Variants in TENM2 observed in about 807,000 individuals in gnomAD.
TENM2 encodes teneurin-2.
TENM2 carries 52 observed loss-of-function variants against 245.2 expected under a neutral mutation model. That is an observed-to-expected ratio of 0.21 (90% CI 0.17 to 0.27). The LOEUF (loss-of-function observed/expected upper bound fraction) is 0.27. TENM2 is among the 10% of genes least tolerant of loss of function. The pLI, the probability that TENM2 is intolerant of heterozygous loss-of-function variation, is 1.00. For synonymous variants in TENM2, 1,363 were observed against 1,438.9 expected, an observed-to-expected ratio of 0.95 and a Z score of 1.19; for missense variants, 3,046 against 3,666.8, an observed-to-expected ratio of 0.83 and a Z score of 4.37.
intron 3 of TENM2, among the ~76,000 whole-genome samples, chr5:167,941,657 G>A (rs1327578368): frequency 1.3e-5 from 2 of 149,244 alleles, no homozygotes; most frequent in East Asian, 3.9e-4. Context: ...GACCAGCCCG[G>A]GCAACATAGC....
At chr5:167,177,930 A>G in the TENM2 span, among the ~76,000 whole-genome samples, 2 of 152,212 alleles carry the variant, frequency 1.3e-5, no homozygotes, top group Non-Finnish European at 2.9e-5. Flanking sequence ...CAAAGCCTCA[A>G]AGTCTCAGGC....
chr5:167,581,850 T>C (rs542262905), intron 2 of TENM2, among the ~76,000 whole-genome samples: 1 of 152,158 alleles, frequency 6.6e-6, no homozygotes, highest in South Asian at 2.1e-4. Flanking sequence ...TGATCTAATC[T>C]GAAATTAGAT....
chr5:167,897,685 T>C (rs1308778484), intron 3 of TENM2, among the ~76,000 whole-genome samples: 1 of 152,204 alleles, frequency 6.6e-6, no homozygotes, highest in African/African-American at 2.4e-5. Flanking sequence ...CATAGTCTCA[T>C]TGGCACCCAC....
chr5:167,676,164 T>A (rs1756310477), intron 2 of TENM2, among the ~76,000 whole-genome samples: 1 of 152,132 alleles, frequency 6.6e-6, no homozygotes. Flanking sequence ...GTCATTGTTT[T>A]AGAGGCAGGT....
chr5:167,251,158 A>T, the TENM2 span, among the ~76,000 whole-genome samples: 1 of 152,106 alleles, frequency 6.6e-6, no homozygotes, highest in Non-Finnish European at 1.5e-5. Flanking sequence ...AGGAAAGAAA[A>T]GGAACGTGTT....
chr5:168,082,470 C>T (rs768454821), intron 7 of TENM2, among the ~76,000 whole-genome samples: 26 of 152,178 alleles, frequency 1.7e-4, no homozygotes, highest in Non-Finnish European at 2.6e-4. Flanking sequence ...AGCTTTGTTG[C>T]GTTGCTGGCA....
the TENM2 span, among the ~76,000 whole-genome samples, chr5:167,201,325 A>T: frequency 3.2e-4 from 49 of 152,322 alleles, no homozygotes; most frequent in East Asian, 8.5e-3. Flanking sequence ...TTGCCTTTTA[A>T]AGAAGTAATG....
At chr5:167,210,451 A>ATTTTTTTT in the TENM2 span, among the ~76,000 whole-genome samples, 1 of 101,248 alleles carries the variant, frequency 9.9e-6, no homozygotes, top group Admixed American at 1.1e-4. Context: ...TTTTCACTGC[A>ATTTTTTTT]TTTTTTTTTT....
chr5:168,153,600 T>C (rs991843698), intron 12 of TENM2, among the ~76,000 whole-genome samples: 4 of 152,136 alleles, frequency 2.6e-5, no homozygotes, highest in African/African-American at 9.7e-5. Flanking sequence ...AAATGTGACA[T>C]GAGAAGAGAG....
intron 2 of TENM2, among the ~76,000 whole-genome samples, chr5:167,435,996 G>A (rs1194874239): frequency 3.4e-5 from 1 of 29,012 alleles, no homozygotes; most frequent in African/African-American, 1.3e-4. Context: ...TTTTTTTTTT[G>A]AGACAGAGTT....
At chr5:167,900,562 T>C (rs1218099695) in intron 3 of TENM2, among the ~76,000 whole-genome samples, 1 of 152,134 alleles carries the variant, frequency 6.6e-6, no homozygotes, top group East Asian at 1.9e-4. Flanking sequence ...TTCTCATGTT[T>C]GGAAGTGAAA....
chr5:167,542,773 C>T (rs184996251), intron 2 of TENM2, among the ~76,000 whole-genome samples: 13 of 152,056 alleles, frequency 8.5e-5, no homozygotes, highest in East Asian at 5.8e-4. Context: ...ACTAGAAATT[C>T]GGAAGATTTT....
intron 23 of TENM2, among the ~76,000 whole-genome samples, chr5:168,221,685 C>T (rs575194082): frequency 2.8e-4 from 43 of 152,278 alleles, no homozygotes; most frequent in African/African-American, 9.1e-4. Flanking sequence ...GACATCCAAC[C>T]GTGGAATTAA....
At chr5:167,751,719 CA>C (rs1761968769) in intron 2 of TENM2, among the ~76,000 whole-genome samples, 1 of 151,632 alleles carries the variant, frequency 6.6e-6, no homozygotes, top group South Asian at 2.1e-4. Context: ...GTAGCTTTCC[CA>C]CTGTTTTGGT....
At chr5:168,155,820 G>T (rs1017564373) in intron 12 of TENM2, among the ~76,000 whole-genome samples, 4 of 143,554 alleles carry the variant, frequency 2.8e-5, no homozygotes, top group Non-Finnish European at 4.5e-5. Context: ...ACTATCTACT[G>T]AGCACTTACA....
intron 2 of TENM2, among the ~76,000 whole-genome samples, chr5:167,713,162 C>T (rs1318289076): frequency 6.6e-6 from 1 of 151,898 alleles, no homozygotes; most frequent in Admixed American, 6.6e-5. Flanking sequence ...TGCGCCAGTT[C>T]ATAATCTATG....
intron 2 of TENM2, among the ~76,000 whole-genome samples, chr5:167,576,650 A>G (rs1774710410): frequency 6.6e-6 from 1 of 152,234 alleles, no homozygotes; most frequent in Non-Finnish European, 1.5e-5. Context: ...ACATGCAAAT[A>G]TGATGTCAGA....
intron 27 of TENM2, among the ~76,000 whole-genome samples, chr5:168,257,773 G>A (rs1021955696): frequency 3.3e-5 from 5 of 152,058 alleles, no homozygotes; most frequent in African/African-American, 7.2e-5. Context: ...CCGCCACCAC[G>A]CCCAGCTAAT....
At chr5:167,196,819 G>A in the TENM2 span, among the ~76,000 whole-genome samples, 3 of 151,706 alleles carry the variant, frequency 2.0e-5, no homozygotes, top group African/African-American at 4.8e-5. Context: ...TAGAGGATGC[G>A]TGTAGGTTAC....
Sources: allele counts gnomAD v4.1 joint callset (sites outside exome capture counted in the v4.1 genomes callset), GRCh38; gene constraint gnomAD v4.1.1; transcripts MANE v1.5; gene names NCBI Gene and HGNC (gene_info 2026-07-23, HGNC 2026-07-21).